Variants in GRM8 observed in about 807,000 individuals in gnomAD.
GRM8 encodes the protein metabotropic glutamate receptor 8.
A neutral mutation model predicts 87.2 loss-of-function variants in GRM8; 47 were observed. The observed-to-expected ratio is 0.54, with a 90% CI of 0.43 to 0.69. The LOEUF (loss-of-function observed/expected upper bound fraction) is 0.69, where lower values mean the gene tolerates loss of function less well. GRM8 is among the 30% of genes least tolerant of loss of function. GRM8 has a pLI of 0.00. For missense variants in GRM8, 1,019 were observed against 1,139.2 expected, an observed-to-expected ratio of 0.89 and a Z score of 1.52; for synonymous variants, 396 against 404.5, an observed-to-expected ratio of 0.98 and a Z score of 0.25.
chr7:126,961,186 G>A lies in GRM8; in HGVS notation c.728-56503C>T, dbSNP rs557693401. On this transcript the variant is annotated intron_variant, in intron 3 of 10. Coordinates refer to ENST00000339582, the MANE Select transcript of GRM8 (RefSeq NM_000845.3). ...TCCTTTCTCTATGTAAAAAGGTTAA[G>A]CTTGGGAAAAAAAAGTGAAAGATTT... Among the ~76,000 whole-genome samples, 222 of 152,176 alleles carry A rather than the reference G, an allele frequency of 1.5e-3. 1 individual carries two copies. The highest frequency in any genetic ancestry group is 5.1e-3 in the African/African-American group (210 of 41,524).
intron 7 of GRM8, among the ~76,000 whole-genome samples, chr7:126,722,360 T>C (rs975306021): frequency 2.6e-5 from 4 of 152,120 alleles, no homozygotes; most frequent in African/African-American, 7.2e-5. Flanking sequence ...ATACAATCTA[T>C]CTCCTACATA....
chr7:126,881,384 G>GGCCA, intron 6 of GRM8, among the ~76,000 whole-genome samples: 1 of 152,152 alleles, frequency 6.6e-6, no homozygotes, highest in Non-Finnish European at 1.5e-5. Context: ...ACATGATCAC[G>GGCCA]GCCAGCGCAC....
chr7:126,645,457 T>G (rs1802924198), intron 7 of GRM8, among the ~76,000 whole-genome samples: 1 of 151,982 alleles, frequency 6.6e-6, no homozygotes, highest in South Asian at 2.1e-4. Context: ...TCCCAACCAA[T>G]CAACAGCATC....
chr7:126,608,128 T>C (rs7810270), intron 8 of GRM8, among the ~76,000 whole-genome samples: 109,053 of 149,962 alleles, frequency 0.73, 40,533 homozygotes, highest in East Asian at 0.94. Context: ...GCTGCCCTCC[T>C]TGCCCTCCCC....
intron 6 of GRM8, among the ~76,000 whole-genome samples, chr7:126,831,346 T>G (rs1586120686): frequency 6.6e-6 from 1 of 152,214 alleles, no homozygotes; most frequent in African/African-American, 2.4e-5. Context: ...TGAGCTGTGG[T>G]GGGCTCCACC....
chr7:127,212,360 G>C (rs1796259701), intron 2 of GRM8, among the ~76,000 whole-genome samples: 2 of 151,228 alleles, frequency 1.3e-5, no homozygotes, highest in Admixed American at 1.3e-4. Flanking sequence ...TTGATCTACA[G>C]CCTGATAATA....
chr7:126,824,878 T>A (rs1306827812), intron 6 of GRM8, among the ~76,000 whole-genome samples: 1 of 152,108 alleles, frequency 6.6e-6, no homozygotes, highest in Non-Finnish European at 1.5e-5. Flanking sequence ...GTGGTAAAAT[T>A]AAAGAAGGAA....
At chr7:126,488,525 A>AT (rs980898656) in intron 9 of GRM8, among the ~76,000 whole-genome samples, 14 of 151,876 alleles carry the variant, frequency 9.2e-5, no homozygotes, top group African/African-American at 2.9e-4. Context: ...AGTAAAACAG[A>AT]TTTTTTCACT....
At chr7:127,074,297 A>C (rs1822033739) in intron 3 of GRM8, among the ~76,000 whole-genome samples, 1 of 152,194 alleles carries the variant, frequency 6.6e-6, no homozygotes, top group African/African-American at 2.4e-5. Context: ...CATTCATGAA[A>C]ATTTAATTCC....
chr7:127,088,663 T>C (rs6961743), intron 3 of GRM8, among the ~76,000 whole-genome samples: 13,163 of 152,226 alleles, frequency 0.086, 1,890 homozygotes, highest in African/African-American at 0.3. Context: ...GTCAATGGAC[T>C]GACACCATAC....
chr7:127,080,099 T>C (rs1309477237), intron 3 of GRM8, among the ~76,000 whole-genome samples: 1 of 152,154 alleles, frequency 6.6e-6, no homozygotes, highest in African/African-American at 2.4e-5. Flanking sequence ...GACAGGAAGA[T>C]GATCCCAGAT....
chr7:126,996,233 C>T (rs1289708763), intron 3 of GRM8, among the ~76,000 whole-genome samples: 2 of 151,842 alleles, frequency 1.3e-5, no homozygotes, highest in African/African-American at 4.8e-5. Flanking sequence ...AAGAGAAGGA[C>T]AATAAGCAAT....
intron 3 of GRM8, among the ~76,000 whole-genome samples, chr7:127,068,008 T>C (rs1294882669): frequency 6.6e-6 from 1 of 152,120 alleles, no homozygotes; most frequent in Non-Finnish European, 1.5e-5. Context: ...TTTAGACCAG[T>C]GAAAGCACAC....
chr7:126,940,621 C>T (rs921055891), intron 3 of GRM8, among the ~76,000 whole-genome samples: 2 of 152,194 alleles, frequency 1.3e-5, no homozygotes, highest in Admixed American at 6.5e-5. Context: ...TCCTCCATCA[C>T]TCAAAACAAA....
intron 2 of GRM8, among the ~76,000 whole-genome samples, chr7:127,212,906 T>A (rs531017732): frequency 6.6e-6 from 1 of 152,342 alleles, no homozygotes; most frequent in Non-Finnish European, 1.5e-5. Flanking sequence ...TGGTCAAATT[T>A]GCATGAGGCC....
At chr7:127,086,942 G>A (rs1247280307) in intron 3 of GRM8, among the ~76,000 whole-genome samples, 1 of 152,220 alleles carries the variant, frequency 6.6e-6, no homozygotes, top group Non-Finnish European at 1.5e-5. Context: ...TGAAGCATAT[G>A]TTGGCCCACA....
At position 127,081,797 on chromosome 7, in the gene GRM8, A is replaced by G. The variant is rs570262415; in HGVS notation, c.727+24699T>C. Among the ~76,000 whole-genome samples the G allele has an allele frequency of 2.6e-5, 4 of 152,322 alleles. No homozygotes were observed. The South Asian group carries it at 8.3e-4, about 32-fold the overall frequency. On this transcript the variant is annotated intron_variant, in intron 3 of 10. Transcript: ENST00000339582. The stretch of plus-strand genomic sequence containing the variant: ...GATTGCCAAGAACAGTTTCTTTAGA[A>G]ATATTCACCATCACGGGTGGGAGGA...
At position 126,999,081 on chromosome 7, in the gene GRM8, T is replaced by C. The variant is rs1418316005; in HGVS notation, c.728-94398A>G. Among the ~76,000 whole-genome samples the C allele has an allele frequency of 2.6e-5, 4 of 151,622 alleles. No homozygotes were observed. In the East Asian group the frequency reaches 7.7e-4, roughly 29 times the overall value. ...AGATACCTAGACCAATGGAACAGAA[T>C]AGATAACCCAGAAACAAATCCTTAT... On this transcript the variant is annotated intron_variant, in intron 3 of 10. Coordinates refer to ENST00000339582, the MANE Select transcript of GRM8 (RefSeq NM_000845.3).
At chr7:126,828,209 G>C (rs980689129) in intron 6 of GRM8, among the ~76,000 whole-genome samples, 1 of 152,120 alleles carries the variant, frequency 6.6e-6, no homozygotes, top group Non-Finnish European at 1.5e-5. Context: ...TTTGGTATCA[G>C]GATGATGCTG....
Sources: gnomAD v4.1 joint callset for allele counts (sites outside exome capture counted in the v4.1 genomes callset) on GRCh38, gnomAD v4.1.1 for gene constraint, MANE v1.5 for transcripts, NCBI Gene and HGNC (gene_info 2026-07-23, HGNC 2026-07-21) for gene names.